The following LRP1B variants were observed in gnomAD, a reference collection of about 807,000 sequenced individuals.
The protein encoded by LRP1B is low-density lipoprotein receptor-related protein 1B.
A neutral mutation model predicts 556.6 loss-of-function variants in LRP1B; 217 were observed. The observed-to-expected ratio is 0.39, with a 90% CI of 0.35 to 0.44. LRP1B has a LOEUF of 0.44. Among genes scored for constraint, LRP1B ranks in the 20% least tolerant of loss-of-function variants. LRP1B has a pLI of 1.00. For synonymous variants in LRP1B, 2,047 were observed against 1,865.8 expected (o/e 1.10, Z -2.50); for missense variants, 5,053 against 5,620.8 (o/e 0.90, Z 3.23).
chr2:141,884,357 A>G (rs976710413), intron 1 of LRP1B, among the ~76,000 whole-genome samples: 1 of 152,198 alleles, frequency 6.6e-6, no homozygotes, highest in Non-Finnish European at 1.5e-5. Context: ...CCTGGGTGAT[A>G]GAGAAAGATC....
intron 3 of LRP1B, among the ~76,000 whole-genome samples, chr2:141,322,823 T>C (rs1270293395): frequency 1.3e-5 from 2 of 152,062 alleles, no homozygotes; most frequent in East Asian, 1.9e-4. Flanking sequence ...ATTGAAGAGA[T>C]GTAGCATCCC....
chr2:140,968,972 A>C (rs1280321677), intron 18 of LRP1B, among the ~76,000 whole-genome samples: 83 of 152,154 alleles, frequency 5.5e-4, no homozygotes, highest in Non-Finnish European at 5.9e-5. Context: ...TTTTGGAATA[A>C]GTGTGATGTG....
At chr2:140,776,342 T>C (rs998717861) in intron 32 of LRP1B, 104 bp from the exon 33 acceptor site, 2 of 724,092 alleles carry the variant, frequency 2.8e-6, no homozygotes, top group Admixed American at 3.9e-5. Flanking sequence ...TTTGTTATAT[T>C]TCCAAACTCT....
At chr2:140,833,616 G>T (rs1691794016) in intron 31 of LRP1B, among the ~76,000 whole-genome samples, 1 of 152,064 alleles carries the variant, frequency 6.6e-6, no homozygotes, top group South Asian at 2.1e-4. Context: ...TGGTGAAATT[G>T]TTTTCTTTAT....
In LRP1B at chr2:141,978,106, GTTGA is replaced by G. The variant is rs1461170241; in HGVS notation, c.82+152538_82+152541del. On this transcript the variant is annotated intron_variant, in intron 1 of 90. Coordinates refer to ENST00000389484, the MANE Select transcript of LRP1B (RefSeq NM_018557.3). ...CCTGTATTAATTTATTCTCATCTCA[GTTGA>G]TTATTTTCAGTATTAATAAGAACAA... Among the ~76,000 whole-genome samples, 4 of 151,990 alleles carry G rather than the reference GTTGA, an allele frequency of 2.6e-5. No individual in the cohort carries two copies. The East Asian group carries it at 7.7e-4, about 29-fold the overall frequency.
At chr2:141,932,818 T>C (rs1364907083) in intron 1 of LRP1B, among the ~76,000 whole-genome samples, 2 of 152,094 alleles carry the variant, frequency 1.3e-5, no homozygotes, top group East Asian at 1.9e-4. Flanking sequence ...CAAGTATGTA[T>C]TATGTGGTAA....
chr2:140,973,994 T>A (rs1049502148), intron 18 of LRP1B, among the ~76,000 whole-genome samples: 25 of 152,084 alleles, frequency 1.6e-4, no homozygotes, highest in Non-Finnish European at 7.4e-5. Context: ...ACAAACATAG[T>A]CATGTAAGAA....
chr2:140,433,600 C>T (rs999260788), intron 66 of LRP1B, among the ~76,000 whole-genome samples: 6 of 152,080 alleles, frequency 3.9e-5, no homozygotes, highest in Admixed American at 3.3e-4. Context: ...TTTATATTTA[C>T]ACTTACAACA....
chr2:141,330,899 C>T (rs1221643993), intron 3 of LRP1B, among the ~76,000 whole-genome samples: 1 of 152,080 alleles, frequency 6.6e-6, no homozygotes. Context: ...ACTACAGCTG[C>T]CGCCCACCAC....
intron 25 of LRP1B, among the ~76,000 whole-genome samples, chr2:140,875,902 G>T (rs1693290237): frequency 6.6e-6 from 1 of 152,064 alleles, no homozygotes; most frequent in South Asian, 2.1e-4. Flanking sequence ...AAATTATTGT[G>T]TGCCACAGAG....
chr2:141,587,374 T>C (rs1687179247), intron 2 of LRP1B, among the ~76,000 whole-genome samples: 1 of 152,156 alleles, frequency 6.6e-6, no homozygotes, highest in Non-Finnish European at 1.5e-5. Flanking sequence ...ATTATAGAAA[T>C]AGGTGTGCTA....
intron 31 of LRP1B, among the ~76,000 whole-genome samples, chr2:140,823,065 C>A (rs1691381329): frequency 6.6e-6 from 1 of 152,000 alleles, no homozygotes; most frequent in African/African-American, 2.4e-5. Context: ...CCATATGAAA[C>A]CATATGAAAG....
At chr2:141,951,509 G>A (rs10181508) in intron 1 of LRP1B, among the ~76,000 whole-genome samples, 56,434 of 151,998 alleles carry the variant, frequency 0.37, 11,425 homozygotes, top group Admixed American at 0.5. Flanking sequence ...TGCCACAAAA[G>A]TGATTACTAA....
intron 1 of LRP1B, among the ~76,000 whole-genome samples, chr2:141,862,122 T>C (rs942965212): frequency 6.6e-6 from 1 of 152,182 alleles, no homozygotes; most frequent in Non-Finnish European, 1.5e-5. Flanking sequence ...ATGACTCTAA[T>C]TTAATATGTT....
At chr2:141,568,333 A>G (rs1439888589) in intron 2 of LRP1B, among the ~76,000 whole-genome samples, 1 of 151,210 alleles carries the variant, frequency 6.6e-6, no homozygotes, top group African/African-American at 2.4e-5. Flanking sequence ...TTTAAAAAGG[A>G]AGGTTAGAGC....
intron 3 of LRP1B, among the ~76,000 whole-genome samples, chr2:141,415,641 C>T (rs915414209): frequency 2.9e-4 from 44 of 152,142 alleles, no homozygotes; most frequent in Non-Finnish European, 4.0e-4. Flanking sequence ...CTTTGATTCT[C>T]TTCTTAAGTA....
At chr2:140,757,723 G>A (rs1041375767) in intron 35 of LRP1B, among the ~76,000 whole-genome samples, 2 of 152,048 alleles carry the variant, frequency 1.3e-5, no homozygotes, top group African/African-American at 4.8e-5. Flanking sequence ...TCTGCTAAAA[G>A]TACAAAAATT....
chr2:141,296,851 C>A (rs2105421195), intron 3 of LRP1B, among the ~76,000 whole-genome samples: 1 of 152,248 alleles, frequency 6.6e-6, no homozygotes, highest in East Asian at 1.9e-4. Context: ...TGAGCCCTTA[C>A]TCTCCTCCCT....
At chr2:141,228,571 CTG>C (rs971777657) in intron 6 of LRP1B, among the ~76,000 whole-genome samples, 6 of 104,214 alleles carry the variant, frequency 5.8e-5, no homozygotes, top group African/African-American at 2.2e-4. Flanking sequence ...CCCTGGGTGT[CTG>C]TGTGTATGAG....
Sources: allele counts gnomAD v4.1 joint callset (sites outside exome capture counted in the v4.1 genomes callset), GRCh38; gene constraint gnomAD v4.1.1; transcripts MANE v1.5; gene names NCBI Gene and HGNC (gene_info 2026-07-23, HGNC 2026-07-21).